Variants in KIF4A observed in about 807,000 individuals in gnomAD.
KIF4A encodes the protein kinesin family member 4A.
KIF4A carries 7 observed loss-of-function variants against 105.9 expected under a neutral mutation model. That is an observed-to-expected ratio of 0.07 (90% confidence interval 0.04 to 0.12). The LOEUF (loss-of-function observed/expected upper bound fraction) is 0.12, where lower values mean the gene tolerates loss of function less well. Among genes scored for constraint, KIF4A ranks in the 10% least tolerant of loss-of-function variants. The pLI, the probability that KIF4A is intolerant of heterozygous loss-of-function variation, is 1.00. For synonymous variants in KIF4A, 281 were observed against 331.3 expected (o/e 0.85, Z 1.65); for missense variants, 558 against 929.2 (o/e 0.60, Z 5.19).
intron 7 of KIF4A, among the ~76,000 whole-genome samples, chrX:70,323,810 ATATT>A (rs34799069): frequency 0.039 from 3,723 of 94,570 alleles, 100 homozygotes; most frequent in African/African-American, 0.084. Context: ...CTGGCATTTA[ATATT>A]TATTTATTTA....
At chrX:70,367,984 G>A (rs77515514) in intron 15 of KIF4A, among the ~76,000 whole-genome samples, 2,054 of 110,904 alleles carry the variant, frequency 0.019, 19 homozygotes, top group Middle Eastern at 0.032. Context: ...TTATCTTCTC[G>A]CTTCATTTCA....
intron 14 of KIF4A, among the ~76,000 whole-genome samples, chrX:70,353,171 G>A (rs1160211361): frequency 3.6e-5 from 4 of 112,300 alleles, no homozygotes; most frequent in South Asian, 3.7e-4. Flanking sequence ...ATGATGGATT[G>A]CTTGAGACAG....
intron 9 of KIF4A, among the ~76,000 whole-genome samples, chrX:70,331,947 T>C (rs1248687029): frequency 9.0e-6 from 1 of 111,599 alleles, no homozygotes. Context: ...GCAGTGGTGA[T>C]AGAAAGAAGT....
At chrX:70,357,621 A>G in intron 15 of KIF4A, among the ~76,000 whole-genome samples, 1 of 112,364 alleles carries the variant, frequency 8.9e-6, no homozygotes. Context: ...AATACTTTAA[A>G]GCTTTGCATG....
At chrX:70,373,550 A>ATG (rs1207454903) in intron 15 of KIF4A, among the ~76,000 whole-genome samples, 1 of 42,748 alleles carries the variant, frequency 2.3e-5, no homozygotes, top group African/African-American at 1.1e-4. Context: ...ATATATATAT[A>ATG]TATATACGTA....
rs1244003577 is a variant in KIF4A at position 70,420,243 on chromosome X, C to T, written c.3677C>T (p.Pro1226Leu). The T allele has an allele frequency of 8.3e-7, 1 of 1,206,941 alleles. No homozygotes were observed. The highest frequency in any genetic ancestry group is 1.8e-5 in the African/African-American group (1 of 57,011). ...ACCAGCTTCTTCTCTGGCTGCTCCC[C>T]TATCGAAGAAGAGGCCCACTGAAGT... is the stretch of plus-strand genomic sequence containing the variant. ...SNTSFFSGCS[P>L]IEEEAH The change falls in exon 31 of 31, where the codon CCT (proline) becomes CTT (leucine). Residue 1226 changes from proline to leucine, a missense_variant. Pro to Leu is a moderately conservative substitution (Grantham distance 98, BLOSUM62 -3). This residue lies in a region of KIF4A where 469 missense variants were observed against 680.4 expected (regional missense o/e 0.69). Transcript: ENST00000374403.
intron 15 of KIF4A, among the ~76,000 whole-genome samples, chrX:70,365,455 G>A (rs1483326741): frequency 3.6e-5 from 4 of 111,884 alleles, no homozygotes; most frequent in African/African-American, 1.3e-4. Flanking sequence ...AGCATGAAGG[G>A]TTATTGAATT....
In KIF4A at chrX:70,367,241, C is replaced by T. The variant is rs766187980; in HGVS notation, c.1675-6910C>T. ...TGTGTCTTTTAATTGGAGCATTTAG[C>T]CCGTTAACATTTAAGGTTAATATTG... On this transcript the variant is annotated intron_variant, in intron 15 of 30. Coordinates refer to ENST00000374403, the MANE Select transcript of KIF4A (RefSeq NM_012310.5). Among the ~76,000 whole-genome samples, 61 of 111,476 alleles carry T rather than the reference C, an allele frequency of 5.5e-4. 1 individual carries two copies. Among genetic ancestry groups the T allele is most frequent in the African/African-American group, 1.9e-3 (59 of 30,590 alleles).
intron 5 of KIF4A, 75 bp downstream of exon 5, chrX:70,299,277 T>A: frequency 1.2e-6 from 1 of 832,714 alleles, no homozygotes; most frequent in Non-Finnish European, 1.7e-6. Flanking sequence ...CCCTTTTATC[T>A]GCCACTGTGG....
At chrX:70,393,347 C>T (rs1249202963) in intron 20 of KIF4A, among the ~76,000 whole-genome samples, 1 of 110,978 alleles carries the variant, frequency 9.0e-6, no homozygotes, top group East Asian at 2.8e-4. Context: ...TTTTATGGCC[C>T]AGAGTATGAT....
intron 15 of KIF4A, among the ~76,000 whole-genome samples, chrX:70,354,842 G>T (rs768155074): frequency 2.7e-5 from 3 of 112,116 alleles, no homozygotes; most frequent in East Asian, 5.6e-4. Flanking sequence ...CACAGTATTG[G>T]CGGGGGCTGG....
chrX:70,343,816 G>A (rs763680965), intron 12 of KIF4A, 55 bp downstream of exon 12: 21 of 1,186,727 alleles, frequency 1.8e-5, no homozygotes, highest in Admixed American at 8.8e-5. Context: ...GTATATAATC[G>A]TGGAGCCTCT....
chrX:70,406,760 T>C (rs1376052768), intron 27 of KIF4A, 133 bp from the exon 28 acceptor site: 1 of 659,370 alleles, frequency 1.5e-6, no homozygotes, highest in South Asian at 2.9e-5. Context: ...TAAAGCCAAG[T>C]GGGGTGGATT....
chrX:70,352,731 A>G (rs1023449691), intron 14 of KIF4A, 75 bp downstream of exon 14: 1 of 682,170 alleles, frequency 1.5e-6, no homozygotes, highest in African/African-American at 2.2e-5. Context: ...TCAACTGAAA[A>G]AGAGAACCTG....
At chrX:70,323,128 C>G (rs902924402) in intron 7 of KIF4A, among the ~76,000 whole-genome samples, 2 of 110,856 alleles carry the variant, frequency 1.8e-5, no homozygotes, top group Non-Finnish European at 3.8e-5. Context: ...GCATTCTGTT[C>G]TCTCTGCGAA....
chrX:70,302,842 A>G (rs933772318), intron 7 of KIF4A, among the ~76,000 whole-genome samples: 2 of 111,846 alleles, frequency 1.8e-5, no homozygotes, highest in African/African-American at 3.2e-5. Flanking sequence ...GTAGGCTATT[A>G]GAAACCTTCT....
intron 10 of KIF4A, among the ~76,000 whole-genome samples, chrX:70,338,967 C>T (rs1449726335): frequency 1.8e-5 from 2 of 108,891 alleles, no homozygotes; most frequent in African/African-American, 6.7e-5. Flanking sequence ...CATCTGTAGT[C>T]CCAGCTACTT....
At chrX:70,399,413 A>T (rs2086272061) in intron 22 of KIF4A, among the ~76,000 whole-genome samples, 1 of 111,773 alleles carries the variant, frequency 8.9e-6, no homozygotes. Context: ...TTGGATTTGG[A>T]AAACTTGTAT....
Position 70,343,713 on chromosome X carries a change from C to T in KIF4A, c.1277C>T (p.Ala426Val), listed in dbSNP as rs773017445. 1.1e-5 allele frequency: 13 copies of T among 1,209,306 alleles called. No individual in the cohort carries two copies. The highest frequency in any genetic ancestry group is 5.3e-5 in the South Asian group (3 of 56,767). Reference protein sequence around the residue: ...MLERIILTEQANEKMNAKLEE... With the variant: ...MLERIILTEQVNEKMNAKLEE... ...GGGTCTTTGTTGCAGACAGAGCAAG[C>T]GAATGAAAAAATGAACGCCAAGCTA... is the stretch of plus-strand genomic sequence containing the variant. The change falls in exon 12 of 31, where the codon GCG becomes GTG. Residue 426 changes from alanine (A) to valine (V), a missense_variant. Ala to Val is a moderately conservative substitution (Grantham distance 64). This residue lies in a region of KIF4A where 469 missense variants were observed against 680.4 expected (regional missense o/e 0.69). Transcript: ENST00000374403.
Sources: allele counts gnomAD v4.1 joint callset (sites outside exome capture counted in the v4.1 genomes callset), GRCh38; gene constraint gnomAD v4.1.1; regional missense constraint gnomAD v4.1.1; transcripts MANE v1.5; gene names NCBI Gene and HGNC (gene_info 2026-07-23, HGNC 2026-07-21).